RFTN1: variants seen among roughly 807,000 people sequenced by gnomAD.
The protein encoded by RFTN1 is raftlin.
A neutral mutation model predicts 46.5 loss-of-function variants in RFTN1; 26 were observed. The observed-to-expected ratio is 0.56, with a 90% CI of 0.41 to 0.78. The LOEUF (loss-of-function observed/expected upper bound fraction) is 0.78, where lower values mean the gene tolerates loss of function less well. RFTN1 is among the 30% of genes least tolerant of loss of function. The pLI, the probability that RFTN1 is intolerant of heterozygous loss-of-function variation, is 0.00. For synonymous variants in RFTN1, 261 were observed against 284.2 expected (o/e 0.92, Z 0.82); for missense variants, 693 against 718.7 (o/e 0.96, Z 0.41).
At position 16,498,895 on chromosome 3, in the gene RFTN1, AC is replaced by A. The variant is rs1412456849; in HGVS notation, c.-8-5019del. ...GTAGGAAAAATCAGCTGTAACAGTG[AC>A]TTGCACACTATTGTAGAGTTTTGTA... On this transcript the variant is annotated intron_variant, in intron 1 of 9. Transcript: ENST00000334133. This position sits in a 1 kb window ranked among gnomAD's most constrained non-coding sequence, Gnocchi z 5.2. Among the ~76,000 whole-genome samples the A allele has an allele frequency of 6.6e-6, 1 of 152,232 alleles. No homozygotes were observed. The highest frequency in any genetic ancestry group is 6.5e-5 in the Admixed American group (1 of 15,284).
At chr3:16,394,617 T>C (rs1467809921) in intron 4 of RFTN1, among the ~76,000 whole-genome samples, 1 of 152,190 alleles carries the variant, frequency 6.6e-6, no homozygotes, top group Admixed American at 6.5e-5. Context: ...GCTCTATTAA[T>C]ATTTCTTGAG....
At chr3:16,318,037 A>G (rs1412050158) in intron 9 of RFTN1, among the ~76,000 whole-genome samples, 1 of 152,190 alleles carries the variant, frequency 6.6e-6, no homozygotes, top group Non-Finnish European at 1.5e-5. Flanking sequence ...CCGGGGGCCC[A>G]ACCTGCAACC....
chr3:16,441,555 CAAGA>C (rs2075624419), intron 2 of RFTN1, among the ~76,000 whole-genome samples: 1 of 152,164 alleles, frequency 6.6e-6, no homozygotes, highest in Non-Finnish European at 1.5e-5. Context: ...GCCTCCAACA[CAAGA>C]AAGAAACCAC....
intron 4 of RFTN1, among the ~76,000 whole-genome samples, chr3:16,395,500 C>T (rs13082452): frequency 0.16 from 24,955 of 151,738 alleles, 2,348 homozygotes; most frequent in East Asian, 0.3. Flanking sequence ...GGCTGGAGTG[C>T]AGTGGTGTGA....
At chr3:16,431,471 G>C (rs982343299) in intron 3 of RFTN1, among the ~76,000 whole-genome samples, 1 of 151,492 alleles carries the variant, frequency 6.6e-6, no homozygotes, top group East Asian at 1.9e-4. Flanking sequence ...GCACATTAAA[G>C]TTTGAGAAGT....
At position 16,329,524 on chromosome 3, in the gene RFTN1, T is replaced by C. The variant is rs756945325; in HGVS notation, c.1147-2648A>G. Among the ~76,000 whole-genome samples, 3 of 152,228 alleles carry C rather than the reference T, an allele frequency of 2.0e-5. No homozygotes were observed. The highest frequency in any genetic ancestry group is 6.5e-5 in the Admixed American group (1 of 15,298). On this transcript the variant is annotated intron_variant, in intron 7 of 9. Coordinates refer to ENST00000334133, the MANE Select transcript of RFTN1 (RefSeq NM_015150.2). The surrounding 1 kb of genome is among the most constrained non-coding windows in gnomAD (Gnocchi z 4.5). ...ATGGCCCAGCAGTTGTGACCATCCTTTCTGCCTGGCCTCTGGGCACACGCA... is the reference window on the plus strand; with the variant it reads ...ATGGCCCAGCAGTTGTGACCATCCTCTCTGCCTGGCCTCTGGGCACACGCA...
rs549180782 is a variant in RFTN1 at position 16,383,565 on chromosome 3, T to G, written c.442-5463A>C. Among the ~76,000 whole-genome samples, 1 of 152,216 alleles carries G rather than the reference T, an allele frequency of 6.6e-6. No homozygotes were observed. The highest frequency in any genetic ancestry group is 1.5e-5 in the Non-Finnish European group (1 of 68,034). On this transcript the variant is annotated intron_variant, in intron 4 of 9. Transcript: ENST00000334133. This position sits in a 1 kb window ranked among gnomAD's most constrained non-coding sequence, Gnocchi z 4.0. ...GGAATTATTTTTATTAAAAATAATA[T>G]GACATTAGATTTCTAGGATGGATTG... is the stretch of plus-strand genomic sequence containing the variant.
rs369070241 is a variant in RFTN1 at position 16,451,274 on chromosome 3, C to T, written c.146-17237G>A. Reference sequence around the variant, plus strand: ...GGGAAGACGGAACAGCAGAACGTCTCATCAGTGACCTCCTCTTACCCACCA... The same window carrying T: ...GGGAAGACGGAACAGCAGAACGTCTTATCAGTGACCTCCTCTTACCCACCA... On this transcript the variant is annotated intron_variant, in intron 2 of 9. Coordinates refer to ENST00000334133, the MANE Select transcript of RFTN1 (RefSeq NM_015150.2). This position sits in a 1 kb window ranked among gnomAD's most constrained non-coding sequence, Gnocchi z 4.2. 1.6e-4 allele frequency among the ~76,000 whole-genome samples: 24 copies of T among 152,318 alleles called. No homozygotes were observed. The highest frequency in any genetic ancestry group is 5.8e-4 in the African/African-American group (24 of 41,570).
At chr3:16,357,093 C>T (rs867728228) in intron 7 of RFTN1, among the ~76,000 whole-genome samples, 10 of 144,398 alleles carry the variant, frequency 6.9e-5, no homozygotes, top group South Asian at 2.2e-4. Flanking sequence ...CCAGCCTGGG[C>T]GACAGAGCAA....
At chr3:16,486,963 C>G (rs2076457360) in intron 2 of RFTN1, among the ~76,000 whole-genome samples, 1 of 152,250 alleles carries the variant, frequency 6.6e-6, no homozygotes, top group African/African-American at 2.4e-5. Flanking sequence ...CTCACTCTCT[C>G]TGTCTTCCCC....
rs2075301081 is a variant in RFTN1 at position 16,427,015 on chromosome 3, CTG to C, written c.332+6834_332+6835del. Among the ~76,000 whole-genome samples, 1 of 152,142 alleles carries C rather than the reference CTG, an allele frequency of 6.6e-6. No homozygotes were observed. The highest frequency in any genetic ancestry group is 2.1e-4 in the South Asian group (1 of 4,826). ...GGAGAGACTGAGATTCCAGCAATTG[CTG>C]TGTGTCGAAGGCAGGATAAGCAGCT... On this transcript the variant is annotated intron_variant, in intron 3 of 9. Coordinates refer to ENST00000334133, the MANE Select transcript of RFTN1 (RefSeq NM_015150.2). This position sits in a 1 kb window ranked among gnomAD's most constrained non-coding sequence, Gnocchi z 5.4.
chr3:16,444,147 CT>C (rs1458935158), intron 2 of RFTN1, among the ~76,000 whole-genome samples: 5 of 152,174 alleles, frequency 3.3e-5, no homozygotes, highest in Non-Finnish European at 7.3e-5. Context: ...CCAAGAAGAG[CT>C]TTTTGTGAGT....
At position 16,316,881 on chromosome 3, in the gene RFTN1, T is replaced by G. The variant is rs566569759; in HGVS notation, c.1684A>C (p.Arg562=). Residue 562 remains arginine (R), a synonymous_variant, in exon 10 of 10, where the codon AGG becomes CGG. Coordinates refer to ENST00000334133, the MANE Select transcript of RFTN1 (RefSeq NM_015150.2). The surrounding 1 kb of genome is among the most constrained non-coding windows in gnomAD (Gnocchi z 4.5). The stretch of plus-strand genomic sequence containing the variant: ...CTGACTTCCTCAGCATCCCCGTCCC[T>G]GGCATCCTCTCCAGGATTGGAGTGC... ...TGHSNPGEDA[R]DGDAEEVREL... 5 of 1,614,188 alleles carry G rather than the reference T, an allele frequency of 3.1e-6. No homozygotes were observed. In the South Asian group the frequency reaches 5.5e-5, roughly 18 times the overall value.
chr3:16,408,967 A>G (rs1024629486), intron 4 of RFTN1, among the ~76,000 whole-genome samples: 1 of 152,224 alleles, frequency 6.6e-6, no homozygotes, highest in African/African-American at 2.4e-5. Flanking sequence ...GGTATGTTCG[A>G]ATGTGGGTGG....
At position 16,338,576 on chromosome 3, in the gene RFTN1, TAAAA is replaced by T. The variant is rs1165932353; in HGVS notation, c.1147-11704_1147-11701del. Among the ~76,000 whole-genome samples the T allele has an allele frequency of 1.3e-5, 2 of 152,160 alleles. No homozygotes were observed. Among genetic ancestry groups the T allele is most frequent in the Admixed American group, 6.5e-5 (1 of 15,288 alleles). On this transcript the variant is annotated intron_variant, in intron 7 of 9. Coordinates refer to ENST00000334133, the MANE Select transcript of RFTN1 (RefSeq NM_015150.2). This position sits in a 1 kb window ranked among gnomAD's most constrained non-coding sequence, Gnocchi z 5.3. The stretch of plus-strand genomic sequence containing the variant: ...AGAAATAGCTTTGTTTGATAACAAT[TAAAA>T]AAGAAACATTTTCTCCATCCAGAGA...
intron 6 of RFTN1, among the ~76,000 whole-genome samples, chr3:16,360,010 GCAA>G (rs1419894304): frequency 6.6e-6 from 1 of 151,804 alleles, no homozygotes; most frequent in Non-Finnish European, 1.5e-5. Context: ...AAAATTATTT[GCAA>G]CAACAATAAC....
chr3:16,412,088 G>A (rs2074989971), intron 3 of RFTN1, among the ~76,000 whole-genome samples: 1 of 152,206 alleles, frequency 6.6e-6, no homozygotes. Context: ...CATCTGAACT[G>A]AAAGGGGCAC....
At chr3:16,343,884 G>A (rs956383437) in intron 7 of RFTN1, among the ~76,000 whole-genome samples, 1 of 152,220 alleles carries the variant, frequency 6.6e-6, no homozygotes, top group African/African-American at 2.4e-5. Flanking sequence ...AGCAAAGCCA[G>A]CTGATAGTCT....
intron 4 of RFTN1, among the ~76,000 whole-genome samples, chr3:16,386,966 A>G (rs1270326841): frequency 1.3e-5 from 2 of 152,212 alleles, no homozygotes; most frequent in Non-Finnish European, 2.9e-5. Context: ...AAAGTAAAAT[A>G]ATAATTACGC....
Sources: gnomAD v4.1 joint callset for allele counts (sites outside exome capture counted in the v4.1 genomes callset) on GRCh38, gnomAD v4.1.1 for gene constraint, Gnocchi (gnomAD v3.1) non-coding constraint, MANE v1.5 for transcripts, NCBI Gene and HGNC (gene_info 2026-07-23, HGNC 2026-07-21) for gene names.